The following NCAPD2 variants were observed in gnomAD, a reference collection of about 807,000 sequenced individuals.
NCAPD2 encodes non-SMC condensin I complex subunit D2.
Under a neutral mutation model 164.5 loss-of-function variants are expected in NCAPD2, and 100 were observed. That is an observed-to-expected ratio of 0.61 (90% CI 0.52 to 0.72). The LOEUF is 0.72. Among genes scored for constraint, NCAPD2 ranks in the 30% least tolerant of loss-of-function variants. The pLI, the probability that NCAPD2 is intolerant of heterozygous loss-of-function variation, is 0.00. For synonymous variants in NCAPD2, 585 were observed against 642.6 expected, an observed-to-expected ratio of 0.91 and a Z score of 1.36; for missense variants, 1,560 against 1,749.2, an observed-to-expected ratio of 0.89 and a Z score of 1.93.
chr12:6,524,462 C>T (rs1480885482), intron 17 of NCAPD2, among the ~76,000 whole-genome samples: 3 of 151,936 alleles, frequency 2.0e-5, no homozygotes, highest in Non-Finnish European at 4.4e-5. Context: ...GCCTGGTCAA[C>T]ATGGCGAAAC....
At chr12:6,520,882 T>C in intron 13 of NCAPD2, 104 bp from the exon 14 acceptor site, 2 of 1,495,114 alleles carry the variant, frequency 1.3e-6, no homozygotes, top group Non-Finnish European at 1.8e-6. Context: ...GCTCCTTTTC[T>C]CTGGGCAGTA....
chr12:6,526,081 A>G lies in NCAPD2; in HGVS notation c.2362A>G (p.Ile788Val). The G allele has an allele frequency of 3.1e-6, 5 of 1,614,016 alleles. No individual in the cohort carries two copies. Among genetic ancestry groups the G allele is most frequent in the Non-Finnish European group, 3.4e-6 (4 of 1,180,036 alleles). The change falls in exon 19 of 32, where the codon ATT becomes GTT. Residue 788 changes from isoleucine to valine, a missense_variant. By Grantham distance (29) the Ile-to-Val change is conservative. Transcript: ENST00000315579. ...TCCTTCCCCTAGAGGAAAGCCAGAAATTGTGGGAAGCAATTTAGACACACT... is the reference window on the plus strand; with the variant it reads ...TCCTTCCCCTAGAGGAAAGCCAGAAGTTGTGGGAAGCAATTTAGACACACT... ...LGMMARGKPE[I>V]VGSNLDTLVS... is the part of the protein sequence containing the mutation.
chr12:6,519,195 T>C lies in NCAPD2; in HGVS notation c.1589+1236T>C, dbSNP rs116355911. On this transcript the variant is annotated intron_variant, in intron 13 of 31. Coordinates refer to ENST00000315579, the MANE Select transcript of NCAPD2 (RefSeq NM_014865.4). ...TTGAGCCACCGTGCCCGGCTTGGGC[T>C]GTTTTTAGAAGGCTAGAGAGTGGCT... Among the ~76,000 whole-genome samples the C allele has an allele frequency of 2.8e-3, 422 of 152,298 alleles. 3 individuals carry two copies. Among genetic ancestry groups the C allele is most frequent in the African/African-American group, 9.8e-3 (408 of 41,554 alleles).
chr12:6,511,351 G>T, intron 6 of NCAPD2, 99 bp downstream of exon 6: 1 of 1,376,948 alleles, frequency 7.3e-7, no homozygotes, highest in South Asian at 1.4e-5. Context: ...TTTTGTGGGG[G>T]GACAGAGCTT....
At chr12:6,511,049 A>G in intron 5 of NCAPD2, 61 bp from the exon 6 acceptor site, 2 of 1,567,118 alleles carry the variant, frequency 1.3e-6, no homozygotes, top group South Asian at 2.3e-5. Flanking sequence ...ACTCAGACTG[A>G]CAGATCTTGA....
At position 6,495,222 on chromosome 12, in the gene NCAPD2, A is replaced by G. The variant is rs1945966839; in HGVS notation, c.124A>G (p.Arg42Gly). Residue 42 changes from arginine to glycine, a missense_variant, in exon 2 of 32, where the codon AGA becomes GGA. Arg to Gly is a moderately radical substitution (Grantham distance 125). Coordinates refer to ENST00000315579, the MANE Select transcript of NCAPD2 (RefSeq NM_014865.4). ...LSIKHLPPQL[R>G]AFQAAFRAQG... The stretch of plus-strand genomic sequence containing the variant: ...CATCAAACATCTTCCACCACAGCTT[A>G]GAGGTAAGAGTCCATAGCTGTCACT... 6.2e-7 allele frequency: 1 copy of G among 1,614,152 alleles called. No individual in the cohort carries two copies. Among genetic ancestry groups the G allele is most frequent in the East Asian group, 2.2e-5 (1 of 44,874 alleles).
rs2240871 is a variant in NCAPD2 at position 6,530,815 on chromosome 12, C to G, written c.3962C>G (p.Thr1321Ser). 291,563 of 1,613,992 alleles carry G rather than the reference C, an allele frequency of 0.18. 27,946 individuals carry two copies. Among genetic ancestry groups the G allele is most frequent in the East Asian group, 0.31 (13,889 of 44,864 alleles). Residue 1321 changes from threonine (T) to serine (S), a missense_variant and splice_region_variant, in exon 30 of 32, where the codon ACT becomes AGT. Transcript: ENST00000315579. ...GCGCCATCAGCCAAGAAACCATCCA[C>G]TGGTACGTAAGGCAGCCTGTGCGGG... ...QRAPSAKKPS[T>S]GSRYQPLAST...
At chr12:6,517,292 T>G in intron 10 of NCAPD2, 73 bp from the exon 11 acceptor site, 4 of 1,571,888 alleles carry the variant, frequency 2.5e-6, no homozygotes, top group African/African-American at 1.4e-5. Context: ...GTTTAGAGTA[T>G]ACTTAAAGAT....
intron 2 of NCAPD2, among the ~76,000 whole-genome samples, chr12:6,500,177 A>G (rs893910359): frequency 1.3e-5 from 2 of 152,148 alleles, no homozygotes; most frequent in African/African-American, 4.8e-5. Flanking sequence ...TGTAATCCCA[A>G]CCACTTGGGA....
In NCAPD2 at chr12:6,526,901, C is replaced by G. The variant is rs774397972; in HGVS notation, c.2745C>G (p.Pro915=). The G allele has an allele frequency of 1.8e-5, 29 of 1,611,820 alleles. No homozygotes were observed. Among genetic ancestry groups the G allele is most frequent in the Non-Finnish European group, 2.5e-5 (29 of 1,179,112 alleles). The change falls in exon 22 of 32, where the codon CCC becomes CCG. Residue 915 remains proline (P), a synonymous_variant. Transcript: ENST00000315579. ...CTCCCTCTCCTCCAGAGGAGTCCCC[C>G]GCAATGCTCCCCACTTTCCTGTTGA... ...RTSQEDPKES[P]AMLPTFLLMN...
intron 17 of NCAPD2, 110 bp from the exon 18 acceptor site, chr12:6,525,473 T>TA: frequency 7.8e-7 from 1 of 1,288,100 alleles, no homozygotes; most frequent in East Asian, 2.3e-5. Flanking sequence ...TTTCTCTTCC[T>TA]AAGTATTACT....
At position 6,530,916 on chromosome 12, in the gene NCAPD2, T is replaced by C; in HGVS notation, c.3965-5T>C. On this transcript the variant is annotated splice_polypyrimidine_tract_variant and splice_region_variant and intron_variant, in intron 30 of 31. Transcript: ENST00000315579. ...TTTTAAATCACGTTTTCCTGCCTTT[T>C]CTAGGTTCTAGGTACCAGCCTCTGG... is the stretch of plus-strand genomic sequence containing the variant. 6.2e-7 allele frequency: 1 copy of C among 1,613,210 alleles called. No homozygotes were observed. The highest frequency in any genetic ancestry group is 8.5e-7 in the Non-Finnish European group (1 of 1,179,632).
chr12:6,511,802 T>C (rs1946150504), intron 6 of NCAPD2, among the ~76,000 whole-genome samples: 1 of 150,880 alleles, frequency 6.6e-6, no homozygotes, highest in East Asian at 2.0e-4. Flanking sequence ...GCCAACATGG[T>C]GAAACCTTGT....
chr12:6,523,209 C>T (rs760730903), intron 16 of NCAPD2, 53 bp from the exon 17 acceptor site: 6 of 1,574,610 alleles, frequency 3.8e-6, no homozygotes, highest in Non-Finnish European at 5.2e-6. Flanking sequence ...CACTGTTTGC[C>T]AAGTTCAGCT....
chr12:6,522,617 T>A (rs1444937265), intron 15 of NCAPD2, among the ~76,000 whole-genome samples: 1 of 152,152 alleles, frequency 6.6e-6, no homozygotes, highest in Non-Finnish European at 1.5e-5. Flanking sequence ...CAGGGGTTCT[T>A]TTTTTCTGTT....
At chr12:6,519,384 T>C (rs965975958) in intron 13 of NCAPD2, among the ~76,000 whole-genome samples, 1 of 152,236 alleles carries the variant, frequency 6.6e-6, no homozygotes, top group Non-Finnish European at 1.5e-5. Flanking sequence ...AGAATCTCAC[T>C]GTTGCCCAGG....
At chr12:6,499,081 A>T (rs1034374440) in intron 2 of NCAPD2, among the ~76,000 whole-genome samples, 1 of 152,058 alleles carries the variant, frequency 6.6e-6, no homozygotes, top group African/African-American at 2.4e-5. Context: ...TACAGTGTGG[A>T]TATGTTGGAC....
chr12:6,525,491 A>G (rs1946307609), intron 17 of NCAPD2, 92 bp from the exon 18 acceptor site: 1 of 1,438,438 alleles, frequency 7.0e-7, no homozygotes. Flanking sequence ...ACTTTTGTCT[A>G]CTTCAGGTTC....
chr12:6,526,995 G>A lies in NCAPD2; in HGVS notation c.2839G>A (p.Gly947Arg), dbSNP rs1260954230. The change falls in exon 22 of 32, where the codon GGA (glycine) becomes AGA (arginine). Residue 947 changes from glycine to arginine, a missense_variant. Coordinates refer to ENST00000315579, the MANE Select transcript of NCAPD2 (RefSeq NM_014865.4). ...QLVHLEQAVS[G>R]ELCRRRVLRE... ...GGTCCACTTGGAGCAGGCAGTGAGT[G>A]GAGAGCTCTGCCGGCGCCGAGTTCT... is the stretch of plus-strand genomic sequence containing the variant. The A allele has an allele frequency of 6.2e-7, 1 of 1,614,144 alleles. No individual in the cohort carries two copies. The highest frequency in any genetic ancestry group is 8.5e-7 in the Non-Finnish European group (1 of 1,180,006).
Sources: gnomAD v4.1 joint callset for allele counts (sites outside exome capture counted in the v4.1 genomes callset) on GRCh38, gnomAD v4.1.1 for gene constraint, MANE v1.5 for transcripts, NCBI Gene and HGNC (gene_info 2026-07-23, HGNC 2026-07-21) for gene names.